WDR27: variants seen among roughly 807,000 people sequenced by gnomAD.
The protein encoded by WDR27 is WD repeat domain 27, also known as WD repeat-containing protein 27.
Under a neutral mutation model 114.4 loss-of-function variants are expected in WDR27, and 100 were observed. That is an observed-to-expected ratio of 0.87 (90% CI 0.74 to 1.03). The LOEUF is 1.03. Ranked by LOEUF, WDR27 falls within the 50% of genes least tolerant of loss-of-function variation. The probability of loss-of-function intolerance (pLI) is 0.00; values close to 1 mark genes in which losing one functional copy is unlikely to be tolerated. For synonymous variants in WDR27, 449 were observed against 423.1 expected (o/e 1.06, Z -0.75); for missense variants, 1,129 against 1,092.9 (o/e 1.03, Z -0.47).
At chr6:169,544,940 ATG>A (rs1797267835) in intron 25 of WDR27, among the ~76,000 whole-genome samples, 1 of 152,254 alleles carries the variant, frequency 6.6e-6, no homozygotes, top group Non-Finnish European at 1.5e-5. Context: ...ACCATGTTCC[ATG>A]TACTGGAAGA....
chr6:169,689,051 C>T, intron 1 of WDR27, 39 bp from the exon 2 acceptor site: 1 of 1,465,762 alleles, frequency 6.8e-7, no homozygotes, highest in Non-Finnish European at 9.2e-7. Context: ...CTATAGGTAT[C>T]ATATTTAATA....
chr6:169,490,568 G>T (rs1454973470), intron 25 of WDR27, among the ~76,000 whole-genome samples: 1 of 152,128 alleles, frequency 6.6e-6, no homozygotes, highest in Admixed American at 6.5e-5. Flanking sequence ...TTGCGGGTGG[G>T]GGCTAAATGC....
chr6:169,576,104 C>T (rs1052651220), intron 24 of WDR27, among the ~76,000 whole-genome samples: 1 of 152,240 alleles, frequency 6.6e-6, no homozygotes, highest in African/African-American at 2.4e-5. Context: ...GAGACAGCAC[C>T]AGATGAACAC....
At chr6:169,635,133 C>T (rs1003414926) in intron 19 of WDR27, among the ~76,000 whole-genome samples, 8 of 151,610 alleles carry the variant, frequency 5.3e-5, no homozygotes, top group Non-Finnish European at 8.8e-5. Context: ...TTTGGGAGGC[C>T]GAGGCGGGCA....
At chr6:169,631,732 C>T (rs1012762949) in intron 21 of WDR27, among the ~76,000 whole-genome samples, 3 of 152,190 alleles carry the variant, frequency 2.0e-5, no homozygotes, top group African/African-American at 7.2e-5. Flanking sequence ...GTGGCCCTGA[C>T]ACCTCCATCT....
chr6:169,678,190 T>C (rs967934648), intron 2 of WDR27, among the ~76,000 whole-genome samples: 4 of 152,188 alleles, frequency 2.6e-5, no homozygotes, highest in African/African-American at 4.8e-5. Context: ...AGAAAAGCCG[T>C]AGGCACTCAG....
Position 169,651,183 on chromosome 6 carries a change from CG to C in WDR27, c.1481+746del, listed in dbSNP as rs763059214. Among the ~76,000 whole-genome samples, 41 of 7,716 alleles carry C rather than the reference CG, an allele frequency of 5.3e-3. 4 individuals are homozygous for C. The highest frequency in any genetic ancestry group is 0.01 in the South Asian group (2 of 194). The allele number at this position is 7,716 out of a possible 152,430, so 5.1% of individuals were successfully genotyped here. On this transcript the variant is annotated intron_variant, in intron 14 of 25. Coordinates refer to ENST00000448612, the MANE Select transcript of WDR27 (RefSeq NM_182552.5). ...CTGCCTGGAGCACAGCAGTGCGGGG[CG>C]GGGGGGGGGAGTGGGGGAGTGGGGG...
At chr6:169,557,304 T>C (rs1043053830) in intron 25 of WDR27, among the ~76,000 whole-genome samples, 3 of 152,176 alleles carry the variant, frequency 2.0e-5, no homozygotes, top group African/African-American at 7.2e-5. Flanking sequence ...CCAAATGGCA[T>C]TCATGTGACA....
At chr6:169,580,868 A>G (rs1332878710) in intron 24 of WDR27, among the ~76,000 whole-genome samples, 1 of 150,650 alleles carries the variant, frequency 6.6e-6, no homozygotes, top group East Asian at 1.9e-4. Context: ...AAATTTTTAA[A>G]AATAAGGAAC....
intron 13 of WDR27, among the ~76,000 whole-genome samples, chr6:169,656,554 C>T (rs555579112): frequency 3.3e-5 from 5 of 151,704 alleles, no homozygotes; most frequent in Non-Finnish European, 7.4e-5. Flanking sequence ...TCCAGGAAGA[C>T]GAAGAGGTTC....
At chr6:169,432,783 C>T in the WDR27 span, among the ~76,000 whole-genome samples, 1 of 152,046 alleles carries the variant, frequency 6.6e-6, no homozygotes, top group African/African-American at 2.4e-5. Context: ...TGTAAAGATA[C>T]CGGAAAATGT....
At chr6:169,432,300 C>T in the WDR27 span, among the ~76,000 whole-genome samples, 1 of 152,332 alleles carries the variant, frequency 6.6e-6, no homozygotes, top group East Asian at 1.9e-4. Context: ...CTAATTCAGA[C>T]ACATTTTCAC....
At chr6:169,546,262 C>T (rs765638203) in intron 25 of WDR27, among the ~76,000 whole-genome samples, 3 of 152,234 alleles carry the variant, frequency 2.0e-5, no homozygotes, top group African/African-American at 4.8e-5. Context: ...AACCCAGCAA[C>T]TGCATACCTA....
chr6:169,621,467 C>T (rs1206009103), intron 21 of WDR27, among the ~76,000 whole-genome samples: 2 of 152,090 alleles, frequency 1.3e-5, no homozygotes, highest in African/African-American at 4.8e-5. Flanking sequence ...CACACATATA[C>T]ATATGCACAT....
chr6:169,670,685 G>C lies in WDR27; in HGVS notation c.340C>G (p.Pro114Ala). 1 of 1,613,904 alleles carries C rather than the reference G, an allele frequency of 6.2e-7. No individual in the cohort carries two copies. Among genetic ancestry groups the C allele is most frequent in the Non-Finnish European group, 8.5e-7 (1 of 1,179,864 alleles). ...AGCGAGCCCATGACAGTCCCTCGAGGGACCAGCCCTAGAGTGAGTTTCACC... is the reference window on the plus strand; with the variant it reads ...AGCGAGCCCATGACAGTCCCTCGAGCGACCAGCCCTAGAGTGAGTTTCACC... ...CREKVLQGLV[P>A]RGTVMGSLLG... The change falls in exon 4 of 26, where the codon CCT (proline) becomes GCT (alanine). Residue 114 changes from proline (P) to alanine (A), a missense_variant. Pro to Ala is a conservative substitution (Grantham distance 27). Coordinates refer to ENST00000448612, the MANE Select transcript of WDR27 (RefSeq NM_182552.5).
intron 19 of WDR27, among the ~76,000 whole-genome samples, chr6:169,636,120 G>A (rs192765585): frequency 3.3e-5 from 5 of 152,288 alleles, no homozygotes; most frequent in Non-Finnish European, 7.4e-5. Context: ...GCAGAGCCGA[G>A]ATGATAATTG....
intron 22 of WDR27, among the ~76,000 whole-genome samples, chr6:169,606,336 T>C (rs2128176156): frequency 6.6e-6 from 1 of 152,320 alleles, no homozygotes; most frequent in East Asian, 1.9e-4. Flanking sequence ...AGTTCCAGGA[T>C]ACATATGCAG....
chr6:169,535,400 G>GGC (rs1796093649), intron 25 of WDR27, among the ~76,000 whole-genome samples: 1 of 152,124 alleles, frequency 6.6e-6, no homozygotes, highest in Admixed American at 6.5e-5. Context: ...TCTTGGATCT[G>GGC]ACAATCAAAA....
chr6:169,651,731 C>T (rs559819191), intron 14 of WDR27, among the ~76,000 whole-genome samples, 199 bp downstream of exon 14: 66 of 152,280 alleles, frequency 4.3e-4, no homozygotes, highest in African/African-American at 5.8e-4. Flanking sequence ...GGTGAATGCT[C>T]AGGAAACGTT....
Sources: allele counts gnomAD v4.1 joint callset (sites outside exome capture counted in the v4.1 genomes callset), GRCh38; gene constraint gnomAD v4.1.1; transcripts MANE v1.5; gene names NCBI Gene and HGNC (gene_info 2026-07-23, HGNC 2026-07-21).